KLHL5: variants seen among roughly 807,000 people sequenced by gnomAD.
KLHL5 encodes the protein kelch like family member 5, also known as kelch-like protein 5.
Under a neutral mutation model 77.7 loss-of-function variants are expected in KLHL5, and 48 were observed. That is an observed-to-expected ratio of 0.62 (90% CI 0.49 to 0.79). The LOEUF is 0.79. Among genes scored for constraint, KLHL5 ranks in the 30% least tolerant of loss-of-function variants. The probability of loss-of-function intolerance (pLI) is 0.00; values close to 1 mark genes in which losing one functional copy is unlikely to be tolerated. For missense variants in KLHL5, 723 were observed against 859.7 expected (o/e 0.84, Z 1.99); for synonymous variants, 260 against 297.0 (o/e 0.88, Z 1.28).
chr4:39,066,479 A>C (rs1432066083), intron 1 of KLHL5, among the ~76,000 whole-genome samples: 1 of 152,068 alleles, frequency 6.6e-6, no homozygotes, highest in Non-Finnish European at 1.5e-5. Flanking sequence ...ATTTTACTGC[A>C]CTTTACAAGT....
intron 1 of KLHL5, among the ~76,000 whole-genome samples, chr4:39,047,986 A>G (rs1716325885): frequency 6.6e-6 from 1 of 152,248 alleles, no homozygotes; most frequent in Non-Finnish European, 1.5e-5. Context: ...TTGTAAAATT[A>G]GAATGATGAG....
intron 6 of KLHL5, among the ~76,000 whole-genome samples, chr4:39,102,465 A>G (rs73134870): frequency 0.23 from 34,053 of 150,948 alleles, 4,168 homozygotes; most frequent in East Asian, 0.34. Context: ...TAGTTCCCAA[A>G]GTACCCGATC....
At chr4:39,096,242 G>A (rs777843081) in intron 5 of KLHL5, among the ~76,000 whole-genome samples, 7 of 152,008 alleles carry the variant, frequency 4.6e-5, no homozygotes, top group Non-Finnish European at 8.8e-5. Flanking sequence ...TTGAGAAACT[G>A]GTAACTTTTG....
the KLHL5 span, among the ~76,000 whole-genome samples, chr4:39,139,353 G>C: frequency 1.3e-5 from 2 of 152,054 alleles, no homozygotes; most frequent in East Asian, 3.9e-4. Context: ...AAACTATGGA[G>C]ACAGTAAAAA....
At chr4:39,113,515 G>C (rs1577741360) in intron 9 of KLHL5, among the ~76,000 whole-genome samples, 1 of 152,136 alleles carries the variant, frequency 6.6e-6, no homozygotes, top group African/African-American at 2.4e-5. Flanking sequence ...TGACTTAAGG[G>C]CTGTAGACTA....
At chr4:39,077,713 A>C (rs959732013) in intron 2 of KLHL5, among the ~76,000 whole-genome samples, 3 of 150,788 alleles carry the variant, frequency 2.0e-5, no homozygotes, top group African/African-American at 7.4e-5. Context: ...AAAAAAACAA[A>C]AAACAAACAA....
chr4:39,075,105 G>A (rs1300207398), intron 1 of KLHL5, among the ~76,000 whole-genome samples: 1 of 152,094 alleles, frequency 6.6e-6, no homozygotes, highest in African/African-American at 2.4e-5. Context: ...GCTGAGGTGG[G>A]CAGATCTCCT....
At chr4:39,107,260 C>G (rs1722110767) in intron 7 of KLHL5, among the ~76,000 whole-genome samples, 1 of 152,094 alleles carries the variant, frequency 6.6e-6, no homozygotes, top group South Asian at 2.1e-4. Context: ...ATTGGCCAGG[C>G]TGGTCTCAAA....
chr4:39,059,121 G>T (rs1174753057), upstream of KLHL5, among the ~76,000 whole-genome samples: 1 of 152,010 alleles, frequency 6.6e-6, no homozygotes, highest in African/African-American at 2.4e-5. Flanking sequence ...AAATTTTGGG[G>T]CAAAACAATT....
chr4:39,050,291 A>G (rs1251749273), intron 1 of KLHL5, among the ~76,000 whole-genome samples: 2 of 152,206 alleles, frequency 1.3e-5, no homozygotes, highest in African/African-American at 4.8e-5. Flanking sequence ...TGACAAATTA[A>G]ACAATGTTAC....
At chr4:39,093,300 A>T in intron 5 of KLHL5, 2 of 434,052 alleles carry the variant, frequency 4.6e-6, no homozygotes, top group South Asian at 3.3e-5. Context: ...TGTCCAGCAA[A>T]AGCAAATCTG....
the KLHL5 span, among the ~76,000 whole-genome samples, chr4:39,136,539 A>G: frequency 6.6e-6 from 1 of 150,964 alleles, no homozygotes; most frequent in African/African-American, 2.4e-5. Flanking sequence ...GAGAGGACTC[A>G]TGGTGACCCA....
At chr4:39,105,730 A>G (rs961714496) in intron 7 of KLHL5, among the ~76,000 whole-genome samples, 2 of 99,498 alleles carry the variant, frequency 2.0e-5, no homozygotes, top group African/African-American at 8.3e-5. Flanking sequence ...ATGTGTGTAT[A>G]TATGTATACA....
chr4:39,121,117 G>A lies in KLHL5; in HGVS notation c.*51G>A. 1 of 1,328,084 alleles carries A rather than the reference G, an allele frequency of 7.5e-7. No individual in the cohort carries two copies. Among genetic ancestry groups the A allele is most frequent in the South Asian group, 1.2e-5 (1 of 84,594 alleles). The allele number at this position is 1,328,084 out of a possible 1,614,324, so 82.3% of individuals were successfully genotyped here. On this transcript the variant is annotated 3_prime_UTR_variant, in exon 11 of 11. Transcript: ENST00000504108. ...GACACCGTCTTCCTTTATTAATTTAGTATAATTATTCTATCAATGGATACA... is the reference window on the plus strand; with the variant it reads ...GACACCGTCTTCCTTTATTAATTTAATATAATTATTCTATCAATGGATACA...
rs1277616252 is a variant in KLHL5 at position 39,107,704 on chromosome 4, C to G, written c.1661C>G (p.Thr554Arg). Residue 554 changes from threonine (T) to arginine (R), a missense_variant, in exon 8 of 11, where the codon ACA becomes AGA. Around this residue, in one of 3 missense-constraint regions of KLHL5, gnomAD observed 214 missense variants for 237.4 expected, o/e 0.90. Transcript: ENST00000504108. ...FVATMSTPRS[T>R]VGVAVLSGKL... Reference sequence around the variant, plus strand: ...GCCACTATGTCTACCCCTAGGAGTACAGTAGGTGTGGCAGTACTAAGTGGA... The same window carrying G: ...GCCACTATGTCTACCCCTAGGAGTAGAGTAGGTGTGGCAGTACTAAGTGGA... 6.2e-7 allele frequency: 1 copy of G among 1,609,354 alleles called. No individual in the cohort carries two copies. Among genetic ancestry groups the G allele is most frequent in the Non-Finnish European group, 8.5e-7 (1 of 1,176,748 alleles).
rs1463932119 is a variant in KLHL5 at position 39,125,872 on chromosome 4, T to C, written c.*4806T>C. On this transcript the variant is annotated 3_prime_UTR_variant, in exon 11 of 11. Coordinates refer to ENST00000504108, the MANE Select transcript of KLHL5 (RefSeq NM_015990.5). ...AAGCTTTATTAGCTACATTATGTTA[T>C]GATACTTAAATGTCATAACAATAGC... is the stretch of plus-strand genomic sequence containing the variant. Among the ~76,000 whole-genome samples, 1 of 152,236 alleles carries C rather than the reference T, an allele frequency of 6.6e-6. No homozygotes were observed. Among genetic ancestry groups the C allele is most frequent in the Non-Finnish European group, 1.5e-5 (1 of 68,046 alleles).
the KLHL5 span, among the ~76,000 whole-genome samples, chr4:39,141,443 G>A: frequency 1.3e-5 from 2 of 151,596 alleles, no homozygotes; most frequent in African/African-American, 4.8e-5. Flanking sequence ...CGAGTAGCTG[G>A]GACTACAGGC....
chr4:39,060,441 T>TACCACCACCACCACCACCACCACC (rs71192817), upstream of KLHL5, among the ~76,000 whole-genome samples: 2 of 148,960 alleles, frequency 1.3e-5, no homozygotes, highest in South Asian at 2.2e-4. Context: ...ACTAAAAATC[T>TACCACCACCACCACCACCACCACC]ACCACCACCA....
chr4:39,074,724 C>T (rs1718842883), intron 1 of KLHL5, among the ~76,000 whole-genome samples: 1 of 151,852 alleles, frequency 6.6e-6, no homozygotes, highest in Non-Finnish European at 1.5e-5. Flanking sequence ...AATATGGTGA[C>T]TTTTTTCTTT....
Sources: gnomAD v4.1 joint callset for allele counts (sites outside exome capture counted in the v4.1 genomes callset) on GRCh38, gnomAD v4.1.1 for gene constraint, gnomAD v4.1.1 regional missense constraint, MANE v1.5 for transcripts, NCBI Gene and HGNC (gene_info 2026-07-23, HGNC 2026-07-21) for gene names.